Variants in SLC13A1 observed in about 807,000 individuals in gnomAD.
SLC13A1 encodes the protein solute carrier family 13 member 1, also known as Na(+)/sulfate cotransporter.
In SLC13A1, 65 loss-of-function variants were observed where a neutral mutation model predicts 70.0. The observed-to-expected ratio is 0.93, with a 90% confidence interval of 0.76 to 1.14. The LOEUF is 1.14. Ranked by LOEUF, SLC13A1 falls within the 50% of genes most tolerant of loss-of-function variation. The probability of loss-of-function intolerance (pLI) is 0.00; values close to 1 mark genes in which losing one functional copy is unlikely to be tolerated. For synonymous variants in SLC13A1, 275 were observed against 250.5 expected (o/e 1.10, Z -0.92); for missense variants, 726 against 717.8 (o/e 1.01, Z -0.13).
chr7:123,161,811 C>CACAAAAT (rs1435187713), intron 6 of SLC13A1, among the ~76,000 whole-genome samples: 2 of 152,078 alleles, frequency 1.3e-5, no homozygotes, highest in Non-Finnish European at 2.9e-5. Context: ...CTATAGCTAA[C>CACAAAAT]TTGGCAAGGG....
intron 7 of SLC13A1, among the ~76,000 whole-genome samples, chr7:123,141,901 T>A (rs1244372316): frequency 6.6e-6 from 1 of 152,134 alleles, no homozygotes; most frequent in African/African-American, 2.4e-5. Flanking sequence ...GTCTTTGGAT[T>A]GGAGAGTTTA....
intron 1 of SLC13A1, among the ~76,000 whole-genome samples, chr7:123,197,690 G>C (rs1796229525): frequency 6.6e-6 from 1 of 152,088 alleles, no homozygotes; most frequent in South Asian, 2.1e-4. Context: ...TAGGAGGAAA[G>C]GAAAGAGGAA....
intron 6 of SLC13A1, among the ~76,000 whole-genome samples, chr7:123,156,984 A>C (rs1400302156): frequency 3.3e-5 from 5 of 152,140 alleles, no homozygotes; most frequent in Non-Finnish European, 7.4e-5. Context: ...GCCACTGGAG[A>C]AAATCCCTTG....
chr7:123,115,583 G>A lies in SLC13A1; in HGVS notation c.1723C>T (p.Pro575Ser), dbSNP rs2116229424. Residue 575 changes from proline to serine, a missense_variant, in exon 15 of 15, where the codon CCC becomes TCC. By Grantham distance (74) the Pro-to-Ser change is moderately conservative (BLOSUM62 -1). Coordinates refer to ENST00000194130, the MANE Select transcript of SLC13A1 (RefSeq NM_022444.4). ...VMLGICTWIV[P>S]MFDLYTYPSW... ...GGGTAAGTGTAGAGGTCAAACATGGGTACAATCCAAGTACATATGCCAAGC... is the reference window on the plus strand; with the variant it reads ...GGGTAAGTGTAGAGGTCAAACATGGATACAATCCAAGTACATATGCCAAGC... 6.2e-7 allele frequency: 1 copy of A among 1,613,742 alleles called. No individual in the cohort carries two copies. Among genetic ancestry groups the A allele is most frequent in the Non-Finnish European group, 8.5e-7 (1 of 1,179,784 alleles).
intron 10 of SLC13A1, among the ~76,000 whole-genome samples, chr7:123,127,616 G>T (rs536934218): frequency 6.6e-6 from 1 of 151,778 alleles, no homozygotes; most frequent in African/African-American, 2.4e-5. Context: ...TATTTCTAAG[G>T]GAATCAAAAA....
chr7:123,150,420 A>G (rs1051286830), intron 6 of SLC13A1, among the ~76,000 whole-genome samples: 2 of 152,194 alleles, frequency 1.3e-5, no homozygotes, highest in African/African-American at 4.8e-5. Context: ...GAAACCTTCC[A>G]CTACAGACTA....
chr7:123,180,556 T>C (rs1795603399), intron 2 of SLC13A1, among the ~76,000 whole-genome samples: 1 of 152,174 alleles, frequency 6.6e-6, no homozygotes, highest in Non-Finnish European at 1.5e-5. Flanking sequence ...TTTGGCTTTA[T>C]CTTTTGAAAT....
rs548910228 is a variant in SLC13A1 at position 123,114,000 on chromosome 7, C to T, written c.*1518G>A. 7.2e-6 allele frequency: 1 copy of T among 139,346 alleles called. No individual in the cohort carries two copies. The highest frequency in any genetic ancestry group is 1.5e-5 in the Non-Finnish European group (1 of 66,086). The allele number at this position is 139,346 out of a possible 1,614,324, so 8.6% of individuals were successfully genotyped here. On this transcript the variant is annotated 3_prime_UTR_variant, in exon 15 of 15. Coordinates refer to ENST00000194130, the MANE Select transcript of SLC13A1 (RefSeq NM_022444.4). ...AGGTTTGGCTGAGGCAGGAGAATGGCGTGAACCTGGGAGGCGGAGCTTGCA... is the reference window on the plus strand; with the variant it reads ...AGGTTTGGCTGAGGCAGGAGAATGGTGTGAACCTGGGAGGCGGAGCTTGCA...
chr7:123,190,301 A>C (rs1795952424), intron 1 of SLC13A1, among the ~76,000 whole-genome samples: 1 of 152,168 alleles, frequency 6.6e-6, no homozygotes, highest in Non-Finnish European at 1.5e-5. Flanking sequence ...AGTGTCACTT[A>C]GCAATGTGAT....
intron 1 of SLC13A1, among the ~76,000 whole-genome samples, chr7:123,181,388 G>A (rs981884719): frequency 1.3e-5 from 2 of 152,048 alleles, no homozygotes; most frequent in Non-Finnish European, 2.9e-5. Context: ...TCATATTAGT[G>A]TATATAGATG....
At chr7:123,187,427 T>C (rs1342348947) in intron 1 of SLC13A1, among the ~76,000 whole-genome samples, 2 of 152,216 alleles carry the variant, frequency 1.3e-5, no homozygotes, top group Non-Finnish European at 2.9e-5. Context: ...CCTTATCATA[T>C]TTAACAAATG....
intron 11 of SLC13A1, among the ~76,000 whole-genome samples, chr7:123,125,296 A>G (rs1356246051): frequency 6.6e-6 from 1 of 152,170 alleles, no homozygotes; most frequent in African/African-American, 2.4e-5. Context: ...AAGTGAGTTT[A>G]CCATGGGTCA....
At chr7:123,165,296 G>C (rs1303719465) in intron 6 of SLC13A1, among the ~76,000 whole-genome samples, 1 of 152,000 alleles carries the variant, frequency 6.6e-6, no homozygotes, top group Non-Finnish European at 1.5e-5. Context: ...CTAAATTTTT[G>C]TGCATTGCAT....
Position 123,169,185 on chromosome 7 carries a change from G to T in SLC13A1, c.516C>A (p.Tyr172Ter). The T allele has an allele frequency of 1.2e-6, 2 of 1,614,102 alleles. No individual in the cohort carries two copies. The highest frequency in any genetic ancestry group is 3.3e-4 in the Middle Eastern group (2 of 6,060). Residue 172 changes from tyrosine (Y) to a stop codon, truncating the protein, a stop_gained, in exon 4 of 15, where the codon TAC (tyrosine) becomes TAA (stop). Transcript: ENST00000194130. LOFTEE classifies it high-confidence loss of function. ...EAEVEATQMT[Y>*]FNGSTNHGLE... is the part of the protein sequence containing the mutation. ...GTCCGTGGTTGGTTGATCCGTTGAA[G>T]TAAGTCATCTGAGTGGCCTCGACCT...
chr7:123,178,017 T>TTCTCTCTTTC lies in SLC13A1; in HGVS notation c.228+2955_228+2956insGAAAGAGAGA, dbSNP rs1554553464. 1.3e-4 allele frequency among the ~76,000 whole-genome samples: 19 copies of TTCTCTCTTTC among 149,032 alleles called. 1 individual carries two copies. The highest frequency in any genetic ancestry group is 4.4e-4 in the African/African-American group (18 of 40,532). ...TAACATAACACCTATATCTCTCTCTTTCTCTCTCTCTCTCTCTATATATAT... is the reference window on the plus strand; with the variant it reads ...TAACATAACACCTATATCTCTCTCTTTCTCTCTTTCTCTCTCTCTCTCTCTCTATATATAT... On this transcript the variant is annotated intron_variant, in intron 2 of 14. Coordinates refer to ENST00000194130, the MANE Select transcript of SLC13A1 (RefSeq NM_022444.4).
At chr7:123,196,608 G>A (rs1360278759) in intron 1 of SLC13A1, among the ~76,000 whole-genome samples, 3 of 152,038 alleles carry the variant, frequency 2.0e-5, no homozygotes, top group Non-Finnish European at 4.4e-5. Flanking sequence ...CTGGGGCTCT[G>A]GGACACCCAG....
chr7:123,166,223 C>A (rs1238481318), intron 6 of SLC13A1, among the ~76,000 whole-genome samples: 2 of 151,908 alleles, frequency 1.3e-5, no homozygotes, highest in Non-Finnish European at 2.9e-5. Context: ...GCCTACAATG[C>A]CTGGGACAGT....
chr7:123,132,945 C>T (rs1358173990), intron 8 of SLC13A1, among the ~76,000 whole-genome samples: 2 of 152,152 alleles, frequency 1.3e-5, no homozygotes, highest in African/African-American at 2.4e-5. Context: ...TTATGACCTA[C>T]CAGCTTTGAT....
At chr7:123,164,266 T>C (rs536276061) in intron 6 of SLC13A1, among the ~76,000 whole-genome samples, 1 of 152,024 alleles carries the variant, frequency 6.6e-6, no homozygotes, top group Non-Finnish European at 1.5e-5. Context: ...TTGGGGGCCA[T>C]TATTATTTTT....
Sources: gnomAD v4.1 joint callset for allele counts (sites outside exome capture counted in the v4.1 genomes callset) on GRCh38, gnomAD v4.1.1 for gene constraint, MANE v1.5 for transcripts, NCBI Gene and HGNC (gene_info 2026-07-23, HGNC 2026-07-21) for gene names.